The following MAGI2 variants were observed in gnomAD, a reference collection of about 807,000 sequenced individuals.
MAGI2 encodes membrane-associated guanylate kinase, WW and PDZ domain-containing protein 2.
MAGI2 carries 35 observed loss-of-function variants against 133.3 expected under a neutral mutation model. The observed-to-expected ratio is 0.26, with a 90% CI of 0.20 to 0.35. The LOEUF (loss-of-function observed/expected upper bound fraction) is 0.35, where lower values mean the gene tolerates loss of function less well. Among genes scored for constraint, MAGI2 ranks in the 10% least tolerant of loss-of-function variants. The probability of loss-of-function intolerance (pLI) is 1.00; values close to 1 mark genes in which losing one functional copy is unlikely to be tolerated. For synonymous variants in MAGI2, 729 were observed against 710.6 expected (o/e 1.03, Z -0.41); for missense variants, 1,636 against 1,863.4 (o/e 0.88, Z 2.25).
At chr7:78,348,153 C>G (rs866314394) in intron 7 of MAGI2, among the ~76,000 whole-genome samples, 12 of 152,174 alleles carry the variant, frequency 7.9e-5, no homozygotes, top group African/African-American at 2.9e-4. Context: ...TGATCAGTGA[C>G]CCTCTATCAG....
At chr7:78,288,708 C>T (rs2151032969) in intron 9 of MAGI2, among the ~76,000 whole-genome samples, 1 of 152,326 alleles carries the variant, frequency 6.6e-6, no homozygotes, top group African/African-American at 2.4e-5. Flanking sequence ...CCAGTAGGGG[C>T]TGACTGGCAC....
intron 4 of MAGI2, 73 bp downstream of exon 4, chr7:78,521,357 G>A (rs1796486400): frequency 2.0e-6 from 2 of 1,015,590 alleles, no homozygotes; most frequent in East Asian, 2.4e-5. Context: ...ATCTTACTGT[G>A]TATATGTGTA....
chr7:79,109,424 C>T (rs1175898450), intron 1 of MAGI2, among the ~76,000 whole-genome samples: 1 of 152,146 alleles, frequency 6.6e-6, no homozygotes, highest in Non-Finnish European at 1.5e-5. Context: ...GTGTTCATGT[C>T]CTATGGATCT....
intron 21 of MAGI2, among the ~76,000 whole-genome samples, chr7:78,073,986 T>C (rs1815002129): frequency 6.6e-6 from 1 of 152,124 alleles, no homozygotes; most frequent in Non-Finnish European, 1.5e-5. Flanking sequence ...AGGACTGGAG[T>C]GGAGTTGAAG....
At chr7:78,044,840 C>T (rs1811251924) in intron 21 of MAGI2, among the ~76,000 whole-genome samples, 1 of 152,106 alleles carries the variant, frequency 6.6e-6, no homozygotes, top group Non-Finnish European at 1.5e-5. Flanking sequence ...AAACTTAGGA[C>T]TCAAGAGACT....
chr7:79,042,228 A>C (rs1036757003), intron 1 of MAGI2, among the ~76,000 whole-genome samples: 6 of 152,190 alleles, frequency 3.9e-5, no homozygotes, highest in Non-Finnish European at 4.4e-5. Flanking sequence ...GCCATTAAGG[A>C]CATGAAAATA....
chr7:78,572,464 C>T (rs1801601418), intron 3 of MAGI2, among the ~76,000 whole-genome samples: 1 of 152,052 alleles, frequency 6.6e-6, no homozygotes, highest in Non-Finnish European at 1.5e-5. Flanking sequence ...GGAACCATGC[C>T]TCCCAGTATT....
intron 1 of MAGI2, among the ~76,000 whole-genome samples, chr7:79,215,047 C>T (rs1479027369): frequency 6.6e-6 from 1 of 151,048 alleles, no homozygotes; most frequent in African/African-American, 2.4e-5. Flanking sequence ...TTGAATAGAC[C>T]CCCTCTAAGC....
chr7:79,203,075 T>C (rs1377623638), intron 1 of MAGI2, among the ~76,000 whole-genome samples: 7 of 152,036 alleles, frequency 4.6e-5, no homozygotes, highest in Non-Finnish European at 2.9e-5. Flanking sequence ...CCAGAACTTA[T>C]AATGGATCCT....
chr7:78,063,215 C>T (rs1470775014), intron 21 of MAGI2, among the ~76,000 whole-genome samples: 4 of 147,774 alleles, frequency 2.7e-5, no homozygotes, highest in East Asian at 2.0e-4. Context: ...CAGATTCCTT[C>T]GCTTGGGATA....
chr7:78,545,517 TA>T (rs1460821761), intron 3 of MAGI2, among the ~76,000 whole-genome samples: 6 of 152,094 alleles, frequency 3.9e-5, no homozygotes, highest in African/African-American at 1.4e-4. Context: ...CAGCCCCAAA[TA>T]AACTGATGCT....
At chr7:78,642,420 A>C (rs1367799904) in intron 2 of MAGI2, among the ~76,000 whole-genome samples, 1 of 152,220 alleles carries the variant, frequency 6.6e-6, no homozygotes, top group African/African-American at 2.4e-5. Flanking sequence ...TCTGTGTTGC[A>C]TTGCAGCAAA....
At chr7:78,340,250 A>T (rs1459890157) in intron 9 of MAGI2, among the ~76,000 whole-genome samples, 1 of 151,040 alleles carries the variant, frequency 6.6e-6, no homozygotes, top group African/African-American at 2.4e-5. Flanking sequence ...GTACTTTATA[A>T]TAGTATTCTA....
rs140215129 is a variant in MAGI2, at chr7:79,226,103, T to C, written c.302-218897A>G. Among the ~76,000 whole-genome samples the C allele has an allele frequency of 4.2e-3, 633 of 152,306 alleles. 4 individuals are homozygous for C. The highest frequency in any genetic ancestry group is 0.014 in the African/African-American group (594 of 41,578). ...TTTCAATCAAAGGAAAAAATTAAGA[T>C]AAAAGTGAAAGTTCATGATCGACTA... On this transcript the variant is annotated intron_variant, in intron 1 of 21. Coordinates refer to ENST00000354212, the MANE Select transcript of MAGI2 (RefSeq NM_012301.4).
intron 1 of MAGI2, among the ~76,000 whole-genome samples, chr7:79,308,033 G>C (rs1837960153): frequency 6.6e-6 from 1 of 152,058 alleles, no homozygotes; most frequent in South Asian, 2.1e-4. Context: ...ATTATCTTTG[G>C]GGAGCTGGGA....
chr7:79,361,033 T>C (rs543518304), intron 1 of MAGI2, among the ~76,000 whole-genome samples: 6 of 152,222 alleles, frequency 3.9e-5, no homozygotes, highest in Admixed American at 3.3e-4. Context: ...AGATAAATCA[T>C]GCAAACTTTA....
chr7:79,079,500 A>G (rs896669270), intron 1 of MAGI2, among the ~76,000 whole-genome samples: 1 of 152,156 alleles, frequency 6.6e-6, no homozygotes, highest in African/African-American at 2.4e-5. Flanking sequence ...AGAAAATTTG[A>G]TTTTGTATTT....
intron 20 of MAGI2, among the ~76,000 whole-genome samples, chr7:78,124,861 C>CTTTTTTTTT (rs10707820): frequency 2.2e-5 from 3 of 137,430 alleles, no homozygotes; most frequent in African/African-American, 2.7e-5. Flanking sequence ...TAGCTGCTGT[C>CTTTTTTTTT]TTTTTTTTTT....
chr7:78,533,834 A>G (rs1330634153), intron 3 of MAGI2, among the ~76,000 whole-genome samples: 7 of 152,206 alleles, frequency 4.6e-5, no homozygotes, highest in Non-Finnish European at 2.9e-5. Flanking sequence ...TCCATAACTA[A>G]TAAGAGTGAG....
Sources: allele counts gnomAD v4.1 joint callset (sites outside exome capture counted in the v4.1 genomes callset), GRCh38; gene constraint gnomAD v4.1.1; transcripts MANE v1.5; gene names NCBI Gene and HGNC (gene_info 2026-07-23, HGNC 2026-07-21).